The following SAMD5 variants were observed in gnomAD, a reference collection of about 807,000 sequenced individuals.
The protein encoded by SAMD5 is sterile alpha motif domain containing 5, also known as sterile alpha motif domain-containing protein 5.
In SAMD5, 13 loss-of-function variants were observed where a neutral mutation model predicts 11.3. The ratio of observed to expected loss-of-function variants is 1.15; its 90% CI spans 0.75 to 1.83. The LOEUF is 1.83. Ranked by LOEUF, SAMD5 falls within the 40% of genes most tolerant of loss-of-function variation. The pLI, the probability that SAMD5 is intolerant of heterozygous loss-of-function variation, is 0.00. For missense variants in SAMD5, 255 were observed against 239.1 expected, an observed-to-expected ratio of 1.07 and a Z score of -0.44; for synonymous variants, 129 against 111.3, an observed-to-expected ratio of 1.16 and a Z score of -1.00.
At chr6:147,600,992 G>A (rs1484164966) in intron 1 of SAMD5, among the ~76,000 whole-genome samples, 1 of 152,198 alleles carries the variant, frequency 6.6e-6, no homozygotes, top group African/African-American at 2.4e-5. Context: ...AAAAACACAG[G>A]TGGGATGTTC....
chr6:147,602,913 A>T (rs1218038692), intron 1 of SAMD5, among the ~76,000 whole-genome samples: 3 of 152,214 alleles, frequency 2.0e-5, no homozygotes, highest in Admixed American at 2.0e-4. Flanking sequence ...AGGCTGAGGG[A>T]TGCTGAAAGC....
At chr6:147,843,435 T>C in the SAMD5 span, among the ~76,000 whole-genome samples, 1 of 152,182 alleles carries the variant, frequency 6.6e-6, no homozygotes, top group African/African-American at 2.4e-5. Flanking sequence ...GAACTGCAAA[T>C]TCAGTGCAAT....
chr6:147,789,949 A>G, the SAMD5 span, among the ~76,000 whole-genome samples: 15 of 152,252 alleles, frequency 9.9e-5, no homozygotes, highest in African/African-American at 3.1e-4. Context: ...AATCATTGCC[A>G]AGAATACAGA....
At chr6:147,706,134 C>T (rs1407244143) in intron 1 of SAMD5, among the ~76,000 whole-genome samples, 1 of 152,050 alleles carries the variant, frequency 6.6e-6, no homozygotes, top group African/African-American at 2.4e-5. Context: ...GTTTCCTTGA[C>T]AAGTTTTGCA....
chr6:147,766,118 CAAAA>C, the SAMD5 span, among the ~76,000 whole-genome samples: 1 of 122,064 alleles, frequency 8.2e-6, no homozygotes, highest in African/African-American at 2.9e-5. Flanking sequence ...AAAAAAAACA[CAAAA>C]AAAGAATTGG....
the SAMD5 span, among the ~76,000 whole-genome samples, chr6:147,893,513 G>A: frequency 9.9e-5 from 15 of 152,154 alleles, no homozygotes; most frequent in Non-Finnish European, 1.6e-4. Context: ...TAAATGGCCC[G>A]CTAGGAGGAA....
At chr6:147,587,749 T>C (rs1306464255) in intron 1 of SAMD5, among the ~76,000 whole-genome samples, 1 of 152,134 alleles carries the variant, frequency 6.6e-6, no homozygotes, top group African/African-American at 2.4e-5. Flanking sequence ...TGGTAGGACT[T>C]TTCGTCTTCT....
chr6:147,754,866 A>C, the SAMD5 span, among the ~76,000 whole-genome samples: 2 of 151,952 alleles, frequency 1.3e-5, no homozygotes, highest in African/African-American at 4.8e-5. Flanking sequence ...AAATGAGTTT[A>C]CTGTCAGTGT....
the SAMD5 span, among the ~76,000 whole-genome samples, chr6:147,810,250 A>T: frequency 8.5e-5 from 13 of 152,338 alleles, no homozygotes; most frequent in South Asian, 2.7e-3. Context: ...TATTAGTATC[A>T]GTATCTTTAT....
chr6:147,683,390 T>A (rs1424945135), intron 1 of SAMD5, among the ~76,000 whole-genome samples: 8 of 152,262 alleles, frequency 5.3e-5, no homozygotes. Context: ...TAAAGAGATC[T>A]CTGTCTATTG....
chr6:147,733,642 A>G, intron 1 of SAMD5: 1 of 183,302 alleles, frequency 5.5e-6, no homozygotes, highest in Non-Finnish European at 1.0e-5. Flanking sequence ...GATAACCATT[A>G]TAATTACTTT....
At chr6:147,790,539 G>C in the SAMD5 span, among the ~76,000 whole-genome samples, 1 of 152,130 alleles carries the variant, frequency 6.6e-6, no homozygotes. Context: ...GTGACTTGTG[G>C]ATTTAATTTT....
chr6:147,886,352 A>G, the SAMD5 span, among the ~76,000 whole-genome samples: 4 of 152,216 alleles, frequency 2.6e-5, no homozygotes, highest in Non-Finnish European at 4.4e-5. Context: ...GAATACAAAG[A>G]AAACTTGATA....
chr6:147,528,087 C>T (rs905764763), intron 1 of SAMD5, among the ~76,000 whole-genome samples: 1 of 152,030 alleles, frequency 6.6e-6, no homozygotes, highest in Non-Finnish European at 1.5e-5. Context: ...ACTCCAACCC[C>T]ATGACCCAAT....
chr6:147,690,059 T>TA (rs1258822600), intron 1 of SAMD5, among the ~76,000 whole-genome samples: 1 of 152,138 alleles, frequency 6.6e-6, no homozygotes, highest in South Asian at 2.1e-4. Flanking sequence ...CACCCCACAG[T>TA]AAAAAACAGT....
chr6:147,577,209 G>A (rs1321188199), intron 1 of SAMD5, among the ~76,000 whole-genome samples: 1 of 152,156 alleles, frequency 6.6e-6, no homozygotes, highest in Non-Finnish European at 1.5e-5. Context: ...CTATACTTTT[G>A]TGAATCAATA....
At chr6:147,933,866 T>C in the SAMD5 span, among the ~76,000 whole-genome samples, 1 of 152,212 alleles carries the variant, frequency 6.6e-6, no homozygotes, top group Non-Finnish European at 1.5e-5. Context: ...TACCAGATTA[T>C]GTGCCAAAAT....
chr6:147,882,272 A>G, the SAMD5 span, among the ~76,000 whole-genome samples: 3 of 152,192 alleles, frequency 2.0e-5, no homozygotes, highest in Admixed American at 1.3e-4. Context: ...TATTATCATT[A>G]TTTTATAGAG....
the SAMD5 span, among the ~76,000 whole-genome samples, chr6:147,765,534 A>G: frequency 6.6e-6 from 1 of 152,266 alleles, no homozygotes; most frequent in Non-Finnish European, 1.5e-5. Flanking sequence ...GCAACAGTGG[A>G]AAAATCTTTT....
Sources: gnomAD v4.1 joint callset for allele counts (sites outside exome capture counted in the v4.1 genomes callset) on GRCh38, gnomAD v4.1.1 for gene constraint, MANE v1.5 for transcripts, NCBI Gene and HGNC (gene_info 2026-07-23, HGNC 2026-07-21) for gene names.